Variants in CALN1 observed in about 807,000 individuals in gnomAD.
CALN1 encodes calneuron 1.
A neutral mutation model predicts 30.6 loss-of-function variants in CALN1; 17 were observed. The ratio of observed to expected loss-of-function variants is 0.56; its 90% CI spans 0.38 to 0.83. The LOEUF is 0.83. Ranked by LOEUF, CALN1 falls within the 40% of genes least tolerant of loss-of-function variation. CALN1 has a pLI of 0.00. For synonymous variants in CALN1, 156 were observed against 131.4 expected, an observed-to-expected ratio of 1.19 and a Z score of -1.28; for missense variants, 291 against 354.9, an observed-to-expected ratio of 0.82 and a Z score of 1.45.
chr7:72,143,430 G>T (rs1457824915), intron 3 of CALN1, among the ~76,000 whole-genome samples: 2 of 152,098 alleles, frequency 1.3e-5, no homozygotes, highest in African/African-American at 4.8e-5. Context: ...AGAGAAAAAA[G>T]AATAAAAAGA....
chr7:72,219,639 GCA>G lies in CALN1; in HGVS notation c.244+59045_244+59046del, dbSNP rs147484869. On this transcript the variant is annotated intron_variant, in intron 3 of 6. Transcript: ENST00000395275. ...AAAATCCATGAAGATACACATGCGC[GCA>G]CACACACACACGCACACACACCCTT... 7.3e-4 allele frequency among the ~76,000 whole-genome samples: 110 copies of G among 151,130 alleles called. No homozygotes were observed. In the East Asian group the frequency reaches 0.015, roughly 20 times the overall value.
At chr7:71,914,086 T>C (rs1259571450) in intron 5 of CALN1, among the ~76,000 whole-genome samples, 1 of 152,158 alleles carries the variant, frequency 6.6e-6, no homozygotes, top group Non-Finnish European at 1.5e-5. Context: ...GGGGTAAAAG[T>C]GCAGGTTTGT....
chr7:72,328,659 A>G (rs1015601142), intron 2 of CALN1, among the ~76,000 whole-genome samples: 1 of 152,214 alleles, frequency 6.6e-6, no homozygotes, highest in African/African-American at 2.4e-5. Flanking sequence ...TAGTCTCCCA[A>G]CATTCTATTC....
intron 2 of CALN1, among the ~76,000 whole-genome samples, chr7:72,372,910 C>T (rs190727980): frequency 4.6e-5 from 7 of 152,254 alleles, no homozygotes; most frequent in African/African-American, 1.7e-4. Context: ...AGGTAACCAA[C>T]ACATGGGATG....
upstream of CALN1, among the ~76,000 whole-genome samples, chr7:72,416,042 A>G (rs1024408924): frequency 2.6e-5 from 4 of 152,086 alleles, no homozygotes; most frequent in African/African-American, 9.7e-5. Context: ...CCTTCGCCCT[A>G]CCCTTGACAT....
intron 3 of CALN1, among the ~76,000 whole-genome samples, chr7:72,136,147 A>ATAAATAAATAAATAAAT (rs1809496783): frequency 6.6e-6 from 1 of 151,202 alleles, no homozygotes; most frequent in South Asian, 2.1e-4. Flanking sequence ...AAATAAATAA[A>ATAAATAAATAAATAAAT]TAAATAAATA....
chr7:72,263,102 G>A (rs1472427235), intron 3 of CALN1, among the ~76,000 whole-genome samples: 1 of 152,158 alleles, frequency 6.6e-6, no homozygotes. Context: ...TGGGGTGGTG[G>A]TCCTTTGTCT....
intron 3 of CALN1, among the ~76,000 whole-genome samples, chr7:72,255,485 G>A (rs28785225): frequency 0.19 from 28,410 of 151,256 alleles, 3,678 homozygotes; most frequent in East Asian, 0.43. Context: ...CATGATCTCG[G>A]CTCACTGCAA....
chr7:71,978,258 A>AATTTT (rs1798198900), intron 5 of CALN1, among the ~76,000 whole-genome samples: 4 of 125,354 alleles, frequency 3.2e-5, no homozygotes, highest in African/African-American at 1.0e-4. Context: ...GACTCTAGAG[A>AATTTT]ATTCTTTTTT....
At chr7:72,376,978 G>A (rs528695921) in intron 2 of CALN1, among the ~76,000 whole-genome samples, 53 of 152,228 alleles carry the variant, frequency 3.5e-4, no homozygotes, top group African/African-American at 1.2e-3. Context: ...TGGCACCCTT[G>A]TCAAAAATCA....
In CALN1 at chr7:72,330,485, A is replaced by AAG. The variant is rs1554374256; in HGVS notation, c.120-51677_120-51676dup. On this transcript the variant is annotated intron_variant, in intron 2 of 6. Transcript: ENST00000395275. ...TGTCTCCAAAAAAAAAAAAAAAAAA[A>AAG]AGAGAGAGAGACCTTTGTTGGCCAT... Among the ~76,000 whole-genome samples, 1,267 of 143,106 alleles carry AAG rather than the reference A, an allele frequency of 8.9e-3. 117 individuals are homozygous for AAG. Among genetic ancestry groups the AAG allele is most frequent in the Middle Eastern group, 0.023 (6 of 262 alleles). 93.9% of individuals were successfully genotyped at this position (143,106 alleles called of 152,430 possible).
chr7:72,043,317 G>A (rs1006253770), intron 4 of CALN1, among the ~76,000 whole-genome samples: 11 of 152,162 alleles, frequency 7.2e-5, no homozygotes, highest in African/African-American at 2.4e-4. Context: ...ATTGCCTTCA[G>A]CAGTCCAGAA....
At chr7:71,949,906 C>A (rs1373805004) in intron 5 of CALN1, among the ~76,000 whole-genome samples, 1 of 151,954 alleles carries the variant, frequency 6.6e-6, no homozygotes, top group Non-Finnish European at 1.5e-5. Context: ...GGACTACAGG[C>A]GCCTGCCACT....
Position 71,793,571 on chromosome 7 carries a change from A to C in CALN1, c.659-5669T>G, listed in dbSNP as rs73360061. The stretch of plus-strand genomic sequence containing the variant: ...ATTTTCTCATCTATAAAATGGGATA[A>C]TAAGATCTATCTTTGTTGGGCTGGG... On this transcript the variant is annotated intron_variant, in intron 6 of 6. Transcript: ENST00000395275. Among the ~76,000 whole-genome samples the C allele has an allele frequency of 2.6e-3, 403 of 152,210 alleles. 4 individuals carry two copies. Among genetic ancestry groups the C allele is most frequent in the African/African-American group, 9.5e-3 (393 of 41,550 alleles).
intron 6 of CALN1, among the ~76,000 whole-genome samples, chr7:71,796,248 C>T (rs116280164): frequency 0.014 from 2,055 of 152,074 alleles, 39 homozygotes; most frequent in African/African-American, 0.045. Context: ...TGAGTCATGC[C>T]GCTATGAACA....
the CALN1 span, among the ~76,000 whole-genome samples, chr7:72,491,260 C>A: frequency 6.7e-6 from 1 of 150,372 alleles, no homozygotes; most frequent in East Asian, 2.0e-4. Context: ...AAACAAAAAA[C>A]AAAATGATGC....
intron 2 of CALN1, among the ~76,000 whole-genome samples, chr7:72,309,318 C>G (rs1166559149): frequency 6.6e-6 from 1 of 152,174 alleles, no homozygotes; most frequent in Admixed American, 6.5e-5. Flanking sequence ...AGGGCCTCCA[C>G]TCTTTGAAAC....
chr7:72,244,290 T>C (rs369512219), intron 3 of CALN1, among the ~76,000 whole-genome samples: 12 of 152,160 alleles, frequency 7.9e-5, no homozygotes, highest in African/African-American at 2.9e-4. Context: ...AGGGTAAAGA[T>C]CCCTCAAACT....
chr7:72,021,346 A>T (rs1800696054), intron 5 of CALN1, among the ~76,000 whole-genome samples: 1 of 150,832 alleles, frequency 6.6e-6, no homozygotes, highest in Non-Finnish European at 1.5e-5. Flanking sequence ...AAGAAGGAGA[A>T]ACGCCCAGGG....
Sources: gnomAD v4.1 joint callset for allele counts (sites outside exome capture counted in the v4.1 genomes callset) on GRCh38, gnomAD v4.1.1 for gene constraint, MANE v1.5 for transcripts, NCBI Gene and HGNC (gene_info 2026-07-23, HGNC 2026-07-21) for gene names.